USP40: variants seen among roughly 807,000 people sequenced by gnomAD.
The protein encoded by USP40 is ubiquitin carboxyl-terminal hydrolase 40.
A neutral mutation model predicts 166.2 loss-of-function variants in USP40; 143 were observed. The ratio of observed to expected loss-of-function variants is 0.86; its 90% CI spans 0.75 to 0.99. The LOEUF is 0.99. USP40 is among the 50% of genes least tolerant of loss of function. The pLI, the probability that USP40 is intolerant of heterozygous loss-of-function variation, is 0.00. For missense variants in USP40, 1,444 were observed against 1,479.7 expected (o/e 0.98, Z 0.40); for synonymous variants, 498 against 524.0 (o/e 0.95, Z 0.68).
At chr2:233,494,928 ATATATATATATATATATATATATATATT>A (rs1444553044) in intron 24 of USP40, among the ~76,000 whole-genome samples, 377 of 35,132 alleles carry the variant, frequency 0.011, 8 homozygotes, top group African/African-American at 0.061. Flanking sequence ...ATATATATAT[ATATATATATATATATATATATATATATT>A]TATATATATA....
chr2:233,542,211 GCACACATA>G, intron 9 of USP40, 49 bp downstream of exon 9: 1 of 979,840 alleles, frequency 1.0e-6, no homozygotes, highest in Non-Finnish European at 1.5e-6. Context: ...ATACACACAT[GCACACATA>G]CACACAATAC....
intron 12 of USP40, 96 bp from the exon 13 acceptor site, chr2:233,527,674 T>C (rs756090889): frequency 3.5e-6 from 4 of 1,131,026 alleles, no homozygotes; most frequent in Non-Finnish European, 4.8e-6. Context: ...AATAAAGTTC[T>C]CCATCCCACC....
intron 12 of USP40, 21 bp from the exon 13 acceptor site, chr2:233,527,599 A>G (rs2068129434): frequency 9.5e-6 from 15 of 1,570,988 alleles, no homozygotes; most frequent in Non-Finnish European, 1.3e-5. Flanking sequence ...GCACAAAAAT[A>G]CATAAATACT....
intron 26 of USP40, chr2:233,489,721 T>C: frequency 2.4e-6 from 1 of 415,850 alleles, no homozygotes. Flanking sequence ...GTGAGTTCCC[T>C]CTCTCTAAAT....
chr2:233,532,128 GT>G (rs2068581462), intron 11 of USP40, among the ~76,000 whole-genome samples: 1 of 152,168 alleles, frequency 6.6e-6, no homozygotes, highest in Admixed American at 6.5e-5. Flanking sequence ...CCTCTGAATG[GT>G]TGCTGTTGGC....
chr2:233,566,190 A>G (rs1221615629), intron 1 of USP40, among the ~76,000 whole-genome samples: 1 of 151,956 alleles, frequency 6.6e-6, no homozygotes, highest in Non-Finnish European at 1.5e-5. Flanking sequence ...GGCGGGGAAG[A>G]CTGCCACTAA....
chr2:233,530,245 C>T (rs1251707128), intron 11 of USP40, among the ~76,000 whole-genome samples: 1 of 151,518 alleles, frequency 6.6e-6, no homozygotes, highest in Non-Finnish European at 1.5e-5. Context: ...CACACACAAA[C>T]ACACACAATT....
intron 3 of USP40, chr2:233,561,006 AC>A: frequency 1.1e-6 from 1 of 900,520 alleles, no homozygotes; most frequent in Non-Finnish European, 1.8e-6. Context: ...AAATTCCATT[AC>A]CCATAGGGTA....
intron 26 of USP40, among the ~76,000 whole-genome samples, chr2:233,490,634 G>A (rs1273509344): frequency 1.3e-5 from 2 of 152,148 alleles, no homozygotes; most frequent in Non-Finnish European, 2.9e-5. Flanking sequence ...CTTCAACACT[G>A]CATTGTGCTT....
At chr2:233,528,936 A>G (rs180796613) in intron 12 of USP40, among the ~76,000 whole-genome samples, 9 of 152,358 alleles carry the variant, frequency 5.9e-5, no homozygotes, top group Non-Finnish European at 1.2e-4. Flanking sequence ...TCTTTAAGTA[A>G]GAATCCATCA....
At chr2:233,560,581 C>CTGTG (rs1411597088) in intron 3 of USP40, among the ~76,000 whole-genome samples, 1 of 152,120 alleles carries the variant, frequency 6.6e-6, no homozygotes, top group Admixed American at 6.5e-5. Context: ...AGGTCCTTTG[C>CTGTG]CACACAGGTA....
At chr2:233,553,597 T>C (rs953311635) in intron 6 of USP40, among the ~76,000 whole-genome samples, 1 of 152,192 alleles carries the variant, frequency 6.6e-6, no homozygotes, top group Non-Finnish European at 1.5e-5. Context: ...TTAAGATGCA[T>C]GAAAATAACA....
chr2:233,527,622 C>T (rs1192874400), intron 12 of USP40, 44 bp from the exon 13 acceptor site: 14 of 1,480,734 alleles, frequency 9.5e-6, no homozygotes, highest in Non-Finnish European at 1.3e-5. Context: ...GTTTTTATAA[C>T]AGACACTGTG....
intron 13 of USP40, 58 bp from the exon 14 acceptor site, chr2:233,525,620 T>C: frequency 1.5e-6 from 2 of 1,322,952 alleles, no homozygotes; most frequent in Non-Finnish European, 1.1e-6. Flanking sequence ...ACATATCACC[T>C]TTCCAGGTTA....
chr2:233,496,910 C>A, intron 23 of USP40, 78 bp from the exon 24 acceptor site: 1 of 1,016,340 alleles, frequency 9.8e-7, no homozygotes. Flanking sequence ...AAACCCCATG[C>A]CTCTATTATC....
At chr2:233,511,918 G>T in intron 19 of USP40, 121 bp from the exon 20 acceptor site, 1 of 758,258 alleles carries the variant, frequency 1.3e-6, no homozygotes, top group South Asian at 2.1e-5. Flanking sequence ...AAAATGAGTT[G>T]CACTTCAGAC....
At chr2:233,544,295 G>A (rs1025405003) in intron 8 of USP40, among the ~76,000 whole-genome samples, 2 of 152,152 alleles carry the variant, frequency 1.3e-5, no homozygotes, top group Non-Finnish European at 2.9e-5. Flanking sequence ...CTCTGTTTCC[G>A]TGGAGTCGCG....
chr2:233,553,480 A>C (rs2070767004), intron 6 of USP40, among the ~76,000 whole-genome samples: 1 of 152,238 alleles, frequency 6.6e-6, no homozygotes, highest in Non-Finnish European at 1.5e-5. Flanking sequence ...ACCTCACATC[A>C]GTACTGGGAT....
intron 29 of USP40, 32 bp downstream of exon 29, chr2:233,485,735 C>A: frequency 6.2e-7 from 1 of 1,610,174 alleles, no homozygotes; most frequent in Non-Finnish European, 8.5e-7. Flanking sequence ...CCGGTAAGCC[C>A]CAATTTCTCT....
Sources: allele counts gnomAD v4.1 joint callset (sites outside exome capture counted in the v4.1 genomes callset), GRCh38; gene constraint gnomAD v4.1.1; transcripts MANE v1.5; gene names NCBI Gene and HGNC (gene_info 2026-07-23, HGNC 2026-07-21).